Variants in CLCA2 observed in about 807,000 individuals in gnomAD.
CLCA2 encodes calcium-activated chloride channel regulator 2.
CLCA2 carries 85 observed loss-of-function variants against 82.9 expected under a neutral mutation model. The observed-to-expected ratio is 1.03, with a 90% confidence interval of 0.86 to 1.23. The LOEUF (loss-of-function observed/expected upper bound fraction) is 1.23. CLCA2 is among the 50% of genes most tolerant of loss of function. The pLI, the probability that CLCA2 is intolerant of heterozygous loss-of-function variation, is 0.00. For synonymous variants in CLCA2, 421 were observed against 391.7 expected (o/e 1.07, Z -0.88); for missense variants, 1,089 against 1,124.8 (o/e 0.97, Z 0.45).
chr1:86,426,488 A>G (rs1357173567), intron 2 of CLCA2, among the ~76,000 whole-genome samples: 1 of 152,180 alleles, frequency 6.6e-6, no homozygotes, highest in East Asian at 1.9e-4. Flanking sequence ...TGTGAAAAGC[A>G]TTTGACCTAT....
In CLCA2 at chr1:86,455,637, G is replaced by A; in HGVS notation, c.*110G>A. 2 of 668,752 alleles carry A rather than the reference G, an allele frequency of 3.0e-6. No individual in the cohort carries two copies. Among genetic ancestry groups the A allele is most frequent in the South Asian group, 4.4e-5 (1 of 22,532 alleles). The allele number at this position is 668,752 out of a possible 1,614,324, so 41.4% of individuals were successfully genotyped here. ...TCAAAACTGTATTAAAATGCATTGA[G>A]TTTTTGTACAATACAGATAAGATTT... On this transcript the variant is annotated 3_prime_UTR_variant, in exon 14 of 14. Transcript: ENST00000370565.
At chr1:86,451,309 A>ATATT (rs1662959318) in intron 12 of CLCA2, among the ~76,000 whole-genome samples, 1 of 152,230 alleles carries the variant, frequency 6.6e-6, no homozygotes. Flanking sequence ...AAAGCATAAT[A>ATATT]GACCAACAGA....
rs150305306 is a variant in CLCA2 at position 86,428,521 on chromosome 1, C to T, written c.428C>T (p.Pro143Leu). The T allele has an allele frequency of 1.0e-4, 163 of 1,613,622 alleles. No individual in the cohort carries two copies. The East Asian group carries it at 3.1e-3, about 31-fold the overall frequency. ...GKEGKYIHFT[P>L]NFLLNDNLTA... is the part of the protein sequence containing the mutation. ...GAGGGAAAATACATTCATTTCACAC[C>T]TAATTTCCTACTGAATGATAACTTA... The change falls in exon 3 of 14, where the codon CCT becomes CTT. Residue 143 changes from proline (P) to leucine (L), a missense_variant. Pro to Leu is a moderately conservative substitution (Grantham distance 98). Transcript: ENST00000370565.
intron 7 of CLCA2, 76 bp downstream of exon 7, chr1:86,439,182 T>C (rs150541163): frequency 1.1e-3 from 1,519 of 1,352,676 alleles, no homozygotes; most frequent in Non-Finnish European, 1.5e-3. Context: ...TTTCCTCTGA[T>C]GATGGGCAGT....
At chr1:86,428,630 G>T (rs934988338) in intron 3 of CLCA2, 62 bp downstream of exon 3, 4 of 1,547,796 alleles carry the variant, frequency 2.6e-6, no homozygotes, top group Non-Finnish European at 3.5e-6. Context: ...TCTGTGCTTG[G>T]TGCTGAAAGG....
Position 86,456,119 on chromosome 1 carries a change from CT to C in CLCA2, c.*594del, listed in dbSNP as rs1663072914. ...AACAATATGGGTATTACCTTTGTCT[CT>C]TCATACCGGTTTTATGACAAAGGTC... On this transcript the variant is annotated 3_prime_UTR_variant, in exon 14 of 14. Coordinates refer to ENST00000370565, the MANE Select transcript of CLCA2 (RefSeq NM_006536.7). 6.6e-6 allele frequency: 1 copy of C among 151,898 alleles called. No homozygotes were observed. Among genetic ancestry groups the C allele is most frequent in the African/African-American group, 2.4e-5 (1 of 41,328 alleles). The allele number at this position is 151,898 out of a possible 1,614,324, so 9.4% of individuals were successfully genotyped here.
chr1:86,453,530 G>A lies in CLCA2; in HGVS notation c.2317G>A (p.Glu773Lys), dbSNP rs767581055. The change falls in exon 13 of 14, where the codon GAA (glutamate) becomes AAA (lysine). Residue 773 changes from glutamate to lysine, a missense_variant. Transcript: ENST00000370565. ...VFPPCKIIDL[E>K]AVKVEEELTL... ...TCCACCATGCAAAATTATTGACCTG[G>A]AAGCTGTAAAAGTAGAAGAGGAATT... 1 of 1,614,134 alleles carries A rather than the reference G, an allele frequency of 6.2e-7. No individual in the cohort carries two copies. Among genetic ancestry groups the A allele is most frequent in the Non-Finnish European group, 8.5e-7 (1 of 1,180,012 alleles).
chr1:86,434,745 G>A lies in CLCA2; in HGVS notation c.972G>A (p.Glu324=), dbSNP rs1342881569. The A allele has an allele frequency of 1.2e-6, 2 of 1,602,574 alleles. No homozygotes were observed. Among genetic ancestry groups the A allele is most frequent in the Non-Finnish European group, 1.7e-6 (2 of 1,170,338 alleles). ...LVLDVSSKMA[E]ADRLLQLQQA... ...TGGATGTGTCCAGCAAGATGGCAGA[G>A]GTAACATTTTGAACGAAAATGAATG... The change falls in exon 6 of 14, where the codon GAG becomes GAA. Residue 324 remains glutamate, a splice_region_variant and synonymous_variant. Transcript: ENST00000370565.
chr1:86,443,185 C>T (rs1662773595), intron 9 of CLCA2, among the ~76,000 whole-genome samples: 1 of 152,180 alleles, frequency 6.6e-6, no homozygotes, highest in Admixed American at 6.5e-5. Context: ...TGCCACCACA[C>T]CTGACTAATT....
intron 7 of CLCA2, 98 bp from the exon 8 acceptor site, chr1:86,440,050 A>C: frequency 3.4e-6 from 4 of 1,192,682 alleles, no homozygotes; most frequent in South Asian, 1.4e-5. Flanking sequence ...CGTGGGGTGT[A>C]GGAGCTACAG....
intron 6 of CLCA2, among the ~76,000 whole-genome samples, chr1:86,438,615 T>A (rs910861458): frequency 1.3e-5 from 2 of 152,192 alleles, no homozygotes; most frequent in Non-Finnish European, 2.9e-5. Flanking sequence ...GTGGGGATGA[T>A]GAGAAACAGA....
At position 86,455,208 on chromosome 1, in the gene CLCA2, C is replaced by T. The variant is rs565013803; in HGVS notation, c.2513C>T (p.Thr838Met). ...PQQAGIREIF[T>M]FSPQISTNGP... ...CAAGCTGGCATCAGGGAGATATTTACGTTCTCACCCCAAATTTCCACGAAT... is the reference window on the plus strand; with the variant it reads ...CAAGCTGGCATCAGGGAGATATTTATGTTCTCACCCCAAATTTCCACGAAT... Residue 838 changes from threonine (T) to methionine (M), a missense_variant, in exon 14 of 14, where the codon ACG becomes ATG. Thr to Met is a moderately conservative substitution (Grantham distance 81, BLOSUM62 -1). Coordinates refer to ENST00000370565, the MANE Select transcript of CLCA2 (RefSeq NM_006536.7). 30 of 1,614,036 alleles carry T rather than the reference C, an allele frequency of 1.9e-5. No homozygotes were observed. The highest frequency in any genetic ancestry group is 2.7e-5 in the African/African-American group (2 of 75,056).
intron 3 of CLCA2, among the ~76,000 whole-genome samples, chr1:86,430,072 C>A (rs779379930): frequency 1.3e-5 from 2 of 151,786 alleles, no homozygotes; most frequent in Non-Finnish European, 2.9e-5. Flanking sequence ...ACTCAGCACA[C>A]ACTTCCTGAG....
chr1:86,444,147 C>T (rs989720183), intron 10 of CLCA2, 136 bp downstream of exon 10: 1 of 618,444 alleles, frequency 1.6e-6, no homozygotes, highest in East Asian at 2.8e-5. Context: ...ATTTATGAGG[C>T]CATTTTGTGA....
rs1052636917 is a variant in CLCA2, at chr1:86,441,547, A to G, written c.1488+4A>G. On this transcript the variant is annotated splice_donor_region_variant and intron_variant, in intron 9 of 13. Transcript: ENST00000370565. ...CATTTTCCAGCAACATATTCAGGTCAGAATTTTCTCAATGTTATATTTCCA... is the reference window on the plus strand; with the variant it reads ...CATTTTCCAGCAACATATTCAGGTCGGAATTTTCTCAATGTTATATTTCCA... The G allele has an allele frequency of 8.2e-6, 13 of 1,588,612 alleles. No homozygotes were observed. Among genetic ancestry groups the G allele is most frequent in the Non-Finnish European group, 1.1e-5 (13 of 1,158,084 alleles).
intron 3 of CLCA2, among the ~76,000 whole-genome samples, chr1:86,429,816 T>C (rs1662459305): frequency 6.6e-6 from 1 of 152,188 alleles, no homozygotes; most frequent in Admixed American, 6.5e-5. Context: ...TAGCAGGAAG[T>C]GGAGTGAAAC....
intron 1 of CLCA2, among the ~76,000 whole-genome samples, chr1:86,424,898 T>C (rs544733999): frequency 6.6e-6 from 1 of 152,302 alleles, no homozygotes; most frequent in East Asian, 1.9e-4. Context: ...TTATTTCTTT[T>C]CACTTGAATG....
intron 10 of CLCA2, among the ~76,000 whole-genome samples, chr1:86,445,718 G>A (rs1662839886): frequency 6.6e-6 from 1 of 151,896 alleles, no homozygotes; most frequent in Admixed American, 6.6e-5. Flanking sequence ...ATAGTACAGA[G>A]CATGTAAGAT....
At chr1:86,441,676 T>A in intron 9 of CLCA2, 133 bp downstream of exon 9, 1 of 570,164 alleles carries the variant, frequency 1.8e-6, no homozygotes, top group South Asian at 2.6e-5. Context: ...TGGAAGGCTT[T>A]TAAAAGGCTG....
Sources: gnomAD v4.1 joint callset for allele counts (sites outside exome capture counted in the v4.1 genomes callset) on GRCh38, gnomAD v4.1.1 for gene constraint, MANE v1.5 for transcripts, NCBI Gene and HGNC (gene_info 2026-07-23, HGNC 2026-07-21) for gene names.